The following SPAG16 variants were observed in gnomAD, a reference collection of about 807,000 sequenced individuals.
SPAG16 encodes sperm associated antigen 16, also known as sperm-associated antigen 16 protein.
Under a neutral mutation model 80.4 loss-of-function variants are expected in SPAG16, and 86 were observed. The observed-to-expected ratio is 1.07, with a 90% CI of 0.90 to 1.28. The LOEUF (loss-of-function observed/expected upper bound fraction) is 1.28, where lower values mean the gene tolerates loss of function less well. Among genes scored for constraint, SPAG16 ranks in the 50% most tolerant of loss-of-function variants. The pLI is 0.00. For missense variants in SPAG16, 870 were observed against 765.3 expected (o/e 1.14, Z -1.61); for synonymous variants, 294 against 265.9 (o/e 1.11, Z -1.03).
At chr2:213,676,639 A>G (rs1410565477) in intron 10 of SPAG16, among the ~76,000 whole-genome samples, 1 of 152,158 alleles carries the variant, frequency 6.6e-6, no homozygotes, top group African/African-American at 2.4e-5. Flanking sequence ...TATTGAGATA[A>G]TCATGTGGTT....
At chr2:213,494,291 C>T (rs1228033928) in intron 10 of SPAG16, among the ~76,000 whole-genome samples, 1 of 152,184 alleles carries the variant, frequency 6.6e-6, no homozygotes, top group Non-Finnish European at 1.5e-5. Context: ...TGATGTCTCT[C>T]CTGAGCTTGA....
chr2:214,131,433 A>AG (rs2054771604), intron 14 of SPAG16, among the ~76,000 whole-genome samples: 1 of 152,124 alleles, frequency 6.6e-6, no homozygotes, highest in African/African-American at 2.4e-5. Context: ...TGTTTGTATA[A>AG]GGTAACATGT....
At chr2:213,742,237 A>G (rs1202602942) in intron 10 of SPAG16, among the ~76,000 whole-genome samples, 1 of 151,898 alleles carries the variant, frequency 6.6e-6, no homozygotes, top group Non-Finnish European at 1.5e-5. Flanking sequence ...TTGTTTACTA[A>G]TTTTGGAGAC....
At chr2:213,928,588 CT>C (rs1462724476) in intron 11 of SPAG16, among the ~76,000 whole-genome samples, 2 of 152,208 alleles carry the variant, frequency 1.3e-5, no homozygotes, top group Non-Finnish European at 2.9e-5. Flanking sequence ...ACTATTCCCT[CT>C]GTCAGAGATG....
At chr2:214,408,821 C>T (rs1159287757) in intron 15 of SPAG16, among the ~76,000 whole-genome samples, 2 of 152,136 alleles carry the variant, frequency 1.3e-5, no homozygotes, top group East Asian at 3.9e-4. Context: ...CTAGCTCCTT[C>T]TATACCTAGG....
At chr2:213,923,181 C>T (rs1208254298) in intron 11 of SPAG16, among the ~76,000 whole-genome samples, 3 of 145,180 alleles carry the variant, frequency 2.1e-5, no homozygotes, top group African/African-American at 5.0e-5. Context: ...CACCTGTCCA[C>T]CAGTGGCAGG....
chr2:213,312,209 A>G (rs569738052), intron 4 of SPAG16, among the ~76,000 whole-genome samples: 1 of 151,810 alleles, frequency 6.6e-6, no homozygotes, highest in Admixed American at 6.6e-5. Context: ...GACCCTTTAC[A>G]GAAAAGAGTT....
intron 10 of SPAG16, among the ~76,000 whole-genome samples, chr2:213,549,274 CTT>C (rs558277485): frequency 5.0e-4 from 76 of 151,922 alleles, no homozygotes; most frequent in African/African-American, 1.5e-3. Flanking sequence ...AAAATTTTCT[CTT>C]ATATTATTTT....
intron 15 of SPAG16, among the ~76,000 whole-genome samples, chr2:214,314,850 A>G (rs112055156): frequency 1.9e-3 from 295 of 152,276 alleles, no homozygotes; most frequent in Non-Finnish European, 3.0e-3. Context: ...TACAAGAGTA[A>G]CTCATGCATG....
At chr2:213,970,935 A>G (rs1411335321) in intron 12 of SPAG16, among the ~76,000 whole-genome samples, 1 of 152,206 alleles carries the variant, frequency 6.6e-6, no homozygotes, top group East Asian at 1.9e-4. Flanking sequence ...TACACTAATC[A>G]TATTAATGTT....
At chr2:213,489,589 A>C (rs2074152966) in intron 9 of SPAG16, among the ~76,000 whole-genome samples, 1 of 152,160 alleles carries the variant, frequency 6.6e-6, no homozygotes, top group African/African-American at 2.4e-5. Flanking sequence ...AAGGGGCATA[A>C]GAATTGTAGA....
chr2:213,701,698 G>A (rs1184325564), intron 10 of SPAG16, among the ~76,000 whole-genome samples: 1 of 152,266 alleles, frequency 6.6e-6, no homozygotes, highest in Non-Finnish European at 1.5e-5. Flanking sequence ...CCTGAGTCGG[G>A]TAGGGACTTG....
intron 13 of SPAG16, among the ~76,000 whole-genome samples, chr2:214,083,437 C>T (rs1234153266): frequency 6.6e-6 from 1 of 152,058 alleles, no homozygotes; most frequent in African/African-American, 2.4e-5. Flanking sequence ...GTAAGCCATT[C>T]ATTCATGGAG....
chr2:213,701,657 G>A (rs530067807), intron 10 of SPAG16, among the ~76,000 whole-genome samples: 10 of 152,356 alleles, frequency 6.6e-5, no homozygotes, highest in South Asian at 2.1e-4. Context: ...CAGCCCTGGC[G>A]CAGGATCCAC....
intron 12 of SPAG16, among the ~76,000 whole-genome samples, chr2:213,983,532 T>G (rs895541287): frequency 6.6e-6 from 1 of 152,020 alleles, no homozygotes; most frequent in African/African-American, 2.4e-5. Flanking sequence ...ACTGTATAAT[T>G]CAGACTAAAA....
In SPAG16 at chr2:214,108,201, A is replaced by T; in HGVS notation, c.1533A>T (p.Ile511=). The part of the protein sequence containing the change: ...TLSIWDARTG[I]CEQSLYGHMH... The stretch of plus-strand genomic sequence containing the variant: ...TTTCTGCTTTGTCTTCCTAGGGTAT[A>T]TGTGAGCAGTCACTTTATGGTCACA... Residue 511 remains isoleucine, a synonymous_variant, in exon 14 of 16, where the codon ATA becomes ATT. Transcript: ENST00000331683. 6.3e-7 allele frequency: 1 copy of T among 1,586,860 alleles called. No individual in the cohort carries two copies. Among genetic ancestry groups the T allele is most frequent in the African/African-American group, 1.3e-5 (1 of 74,680 alleles).
At chr2:213,582,337 G>T (rs1382420433) in intron 10 of SPAG16, among the ~76,000 whole-genome samples, 1 of 152,028 alleles carries the variant, frequency 6.6e-6, no homozygotes, top group Non-Finnish European at 1.5e-5. Context: ...TAACAGCCAG[G>T]TGTGGTAAGG....
chr2:213,902,619 T>A (rs538098249), intron 11 of SPAG16, among the ~76,000 whole-genome samples: 1 of 152,086 alleles, frequency 6.6e-6, no homozygotes, highest in Non-Finnish European at 1.5e-5. Flanking sequence ...CAAGATGAGA[T>A]TTGGGTGGGG....
chr2:214,063,141 A>G (rs916815431), intron 13 of SPAG16, among the ~76,000 whole-genome samples: 7 of 152,154 alleles, frequency 4.6e-5, no homozygotes, highest in Non-Finnish European at 8.8e-5. Flanking sequence ...TACTAATAGC[A>G]CATCTTAAAT....
Sources: allele counts gnomAD v4.1 joint callset (sites outside exome capture counted in the v4.1 genomes callset), GRCh38; gene constraint gnomAD v4.1.1; transcripts MANE v1.5; gene names NCBI Gene and HGNC (gene_info 2026-07-23, HGNC 2026-07-21).